The following NOL4 variants were observed in gnomAD, a reference collection of about 807,000 sequenced individuals.
NOL4 encodes the protein cancer/testis antigen 125.
In NOL4, 17 loss-of-function variants were observed where a neutral mutation model predicts 75.9. That is an observed-to-expected ratio of 0.22 (90% CI 0.15 to 0.34). The LOEUF is 0.34. Among genes scored for constraint, NOL4 ranks in the 10% least tolerant of loss-of-function variants. NOL4 has a pLI of 1.00. For missense variants in NOL4, 614 were observed against 793.5 expected (o/e 0.77, Z 2.72); for synonymous variants, 292 against 289.9 (o/e 1.01, Z -0.07).
chr18:33,893,242 G>A (rs898710824), intron 9 of NOL4, among the ~76,000 whole-genome samples: 2 of 152,122 alleles, frequency 1.3e-5, no homozygotes, highest in Non-Finnish European at 2.9e-5. Context: ...GAGGATGGGT[G>A]ATATTTACAG....
intron 9 of NOL4, 89 bp from the exon 10 acceptor site, chr18:33,883,513 G>A (rs755121118): frequency 3.1e-5 from 29 of 944,108 alleles, no homozygotes; most frequent in Non-Finnish European, 2.1e-5. Flanking sequence ...CTAAATACCT[G>A]CATTGAATAA....
chr18:34,110,454 T>C (rs892253488), intron 2 of NOL4, among the ~76,000 whole-genome samples: 5 of 152,128 alleles, frequency 3.3e-5, no homozygotes, highest in African/African-American at 2.4e-5. Flanking sequence ...TCTCAACAGA[T>C]TCAGAAAAAG....
chr18:34,109,015 A>G (rs1409318608), intron 2 of NOL4, among the ~76,000 whole-genome samples: 1 of 152,208 alleles, frequency 6.6e-6, no homozygotes, highest in East Asian at 1.9e-4. Context: ...CACTGGTATG[A>G]AACTAGAAAT....
At chr18:34,042,461 AGTT>A (rs1221453260) in intron 5 of NOL4, among the ~76,000 whole-genome samples, 1 of 152,086 alleles carries the variant, frequency 6.6e-6, no homozygotes, top group Non-Finnish European at 1.5e-5. Flanking sequence ...AATGTTGACA[AGTT>A]GTCTGTTGAT....
chr18:34,074,598 T>A (rs367931788), intron 5 of NOL4, among the ~76,000 whole-genome samples: 11 of 152,138 alleles, frequency 7.2e-5, no homozygotes, highest in African/African-American at 2.6e-4. Flanking sequence ...AATAAAAATG[T>A]GTTTTATAAT....
intron 6 of NOL4, among the ~76,000 whole-genome samples, chr18:33,999,969 T>A (rs1280115535): frequency 6.6e-6 from 1 of 152,092 alleles, no homozygotes; most frequent in Admixed American, 6.6e-5. Flanking sequence ...TTTTAATTGA[T>A]AATTTTTCCT....
chr18:34,222,969 A>T, intron 1 of NOL4, 21 bp downstream of exon 1: 1 of 1,600,952 alleles, frequency 6.2e-7, no homozygotes, highest in Non-Finnish European at 8.5e-7. Context: ...GACAAATAAC[A>T]GAGGAAGGCG....
chr18:34,101,159 G>A (rs1249223010), intron 4 of NOL4, among the ~76,000 whole-genome samples: 1 of 152,092 alleles, frequency 6.6e-6, no homozygotes, highest in Non-Finnish European at 1.5e-5. Flanking sequence ...AGAAGCTTTT[G>A]TTAAATCCAA....
intron 6 of NOL4, among the ~76,000 whole-genome samples, chr18:33,980,135 T>C (rs2071829553): frequency 6.6e-6 from 1 of 151,972 alleles, no homozygotes; most frequent in Non-Finnish European, 1.5e-5. Context: ...AGATTGCTAT[T>C]CAAAAAATCA....
At chr18:34,217,753 T>A (rs186400570) in intron 1 of NOL4, among the ~76,000 whole-genome samples, 1 of 152,158 alleles carries the variant, frequency 6.6e-6, no homozygotes, top group East Asian at 1.9e-4. Context: ...CTTGTGTGTA[T>A]GTGTGTGTAT....
At chr18:34,011,506 G>T (rs1164336632) in intron 6 of NOL4, among the ~76,000 whole-genome samples, 5 of 151,588 alleles carry the variant, frequency 3.3e-5, no homozygotes, top group Non-Finnish European at 7.4e-5. Flanking sequence ...TTAAAATATA[G>T]TTCTTTCTCT....
intron 1 of NOL4, among the ~76,000 whole-genome samples, chr18:34,186,403 A>T (rs184285723): frequency 1.2e-3 from 183 of 152,326 alleles, no homozygotes; most frequent in African/African-American, 4.0e-3. Context: ...AGAACTAGGG[A>T]TTAGGTGACA....
intron 10 of NOL4, among the ~76,000 whole-genome samples, chr18:33,859,777 G>A (rs529349633): frequency 2.0e-4 from 31 of 152,106 alleles, no homozygotes; most frequent in South Asian, 4.2e-4. Flanking sequence ...AAATTAGCCC[G>A]GCATGGTGGT....
intron 10 of NOL4, among the ~76,000 whole-genome samples, chr18:33,872,313 A>C (rs1394220320): frequency 6.6e-6 from 1 of 151,980 alleles, no homozygotes; most frequent in South Asian, 2.1e-4. Flanking sequence ...GTGGTTTTCA[A>C]TGCCTACATT....
At chr18:34,087,965 G>C (rs1371448371) in intron 5 of NOL4, among the ~76,000 whole-genome samples, 2 of 151,760 alleles carry the variant, frequency 1.3e-5, no homozygotes, top group South Asian at 2.1e-4. Context: ...TTAAGGGTAT[G>C]CCTCAACATT....
intron 5 of NOL4, among the ~76,000 whole-genome samples, chr18:34,071,050 A>G (rs1157001812): frequency 1.3e-5 from 2 of 152,150 alleles, no homozygotes; most frequent in Non-Finnish European, 2.9e-5. Flanking sequence ...AGGGGTGACA[A>G]TAGTAAACAA....
chr18:33,928,499 C>T (rs567312510), intron 9 of NOL4, among the ~76,000 whole-genome samples: 4 of 152,144 alleles, frequency 2.6e-5, no homozygotes, highest in African/African-American at 4.8e-5. Context: ...AGAGGTCACT[C>T]AGAAGAAATA....
Position 33,958,323 on chromosome 18 carries a change from G to C in NOL4, c.1152C>G (p.Asp384Glu), listed in dbSNP as rs367981463. The change falls in exon 7 of 11, where the codon GAC (aspartate) becomes GAG (glutamate). Residue 384 changes from aspartate (D) to glutamate (E), a missense_variant. Transcript: ENST00000261592. ...EDLSLNRGDE[D>E]EDDHEDHDDS... ...CGTCATGGTCCTCGTGGTCATCTTC[G>C]TCCTCATCTCCCCTGTTTAGTGAGA... 6.2e-7 allele frequency: 1 copy of C among 1,613,686 alleles called. No homozygotes were observed. The highest frequency in any genetic ancestry group is 2.2e-5 in the East Asian group (1 of 44,844).
intron 1 of NOL4, among the ~76,000 whole-genome samples, chr18:34,174,326 C>T (rs2033334251): frequency 6.6e-6 from 1 of 152,070 alleles, no homozygotes; most frequent in Admixed American, 6.6e-5. Context: ...TTAAAACTGG[C>T]AAACACTGTC....
Sources: allele counts gnomAD v4.1 joint callset (sites outside exome capture counted in the v4.1 genomes callset), GRCh38; gene constraint gnomAD v4.1.1; transcripts MANE v1.5; gene names NCBI Gene and HGNC (gene_info 2026-07-23, HGNC 2026-07-21).